Variants in CNOT4 observed in about 807,000 individuals in gnomAD.
The protein encoded by CNOT4 is CCR4-associated factor 4.
CNOT4 carries 8 observed loss-of-function variants against 73.8 expected under a neutral mutation model. The observed-to-expected ratio is 0.11, with a 90% confidence interval of 0.06 to 0.20. The LOEUF (loss-of-function observed/expected upper bound fraction) is 0.20, where lower values mean the gene tolerates loss of function less well. CNOT4 is among the 10% of genes least tolerant of loss of function. CNOT4 has a pLI of 1.00. For synonymous variants in CNOT4, 293 were observed against 321.1 expected (o/e 0.91, Z 0.94); for missense variants, 564 against 883.4 (o/e 0.64, Z 4.58).
intron 1 of CNOT4, among the ~76,000 whole-genome samples, chr7:135,501,076 C>T (rs528816100): frequency 1.3e-5 from 2 of 151,804 alleles, no homozygotes; most frequent in African/African-American, 2.4e-5. Flanking sequence ...CTCCGCCTCC[C>T]GGGTTCAAGC....
rs572363196 is a variant in CNOT4, at chr7:135,379,828, C to T, written c.1627+14090G>A. Among the ~76,000 whole-genome samples the T allele has an allele frequency of 2.0e-5, 3 of 152,292 alleles. No homozygotes were observed. In the South Asian group the frequency reaches 6.2e-4, roughly 32 times the overall value. ...AAATATACAGTTGTCAGACTTCTTG[C>T]AAATGCCAACATATAACACGACAAT... On this transcript the variant is annotated intron_variant, in intron 10 of 11. Transcript: ENST00000541284.
intron 1 of CNOT4, among the ~76,000 whole-genome samples, chr7:135,463,487 G>A (rs532621100): frequency 0.024 from 21 of 870 alleles, no homozygotes; most frequent in Non-Finnish European, 9.3e-3. Flanking sequence ...GCAGTGAGCC[G>A]AGATCGCGCC....
chr7:135,484,886 T>C (rs1802617365), intron 1 of CNOT4, among the ~76,000 whole-genome samples: 1 of 152,160 alleles, frequency 6.6e-6, no homozygotes, highest in South Asian at 2.1e-4. Context: ...GGTATAAATC[T>C]AACAAAATAC....
chr7:135,476,735 G>A (rs1488309026), intron 1 of CNOT4, among the ~76,000 whole-genome samples: 1 of 152,178 alleles, frequency 6.6e-6, no homozygotes, highest in African/African-American at 2.4e-5. Flanking sequence ...ACTTTGGGAG[G>A]CCAAGGCGGG....
chr7:135,366,449 T>C (rs1046059304), intron 10 of CNOT4, among the ~76,000 whole-genome samples: 1 of 152,208 alleles, frequency 6.6e-6, no homozygotes, highest in Admixed American at 6.5e-5. Context: ...CCTGTAATTG[T>C]AGACTAATCA....
chr7:135,369,071 G>A (rs957527161), intron 10 of CNOT4, among the ~76,000 whole-genome samples: 5 of 152,282 alleles, frequency 3.3e-5, no homozygotes, highest in South Asian at 2.1e-4. Context: ...AGTTGAGGGC[G>A]CAGGGTACCA....
At chr7:135,491,574 T>G (rs1454123925) in intron 1 of CNOT4, among the ~76,000 whole-genome samples, 2 of 152,094 alleles carry the variant, frequency 1.3e-5, no homozygotes, top group Non-Finnish European at 2.9e-5. Flanking sequence ...ACAAAAGCAA[T>G]CTTAGCACAG....
intron 1 of CNOT4, among the ~76,000 whole-genome samples, chr7:135,467,528 T>C (rs1030085243): frequency 6.6e-6 from 1 of 151,972 alleles, no homozygotes; most frequent in African/African-American, 2.4e-5. Context: ...CTGGACAATA[T>C]AGCAAGACCC....
chr7:135,414,878 T>C (rs1797771633), intron 4 of CNOT4, among the ~76,000 whole-genome samples: 1 of 152,078 alleles, frequency 6.6e-6, no homozygotes, highest in African/African-American at 2.4e-5. Flanking sequence ...ATATTACAGA[T>C]TAGAAATCAC....
intron 1 of CNOT4, among the ~76,000 whole-genome samples, chr7:135,456,778 A>G (rs979783746): frequency 1.3e-5 from 2 of 151,930 alleles, no homozygotes; most frequent in African/African-American, 2.4e-5. Flanking sequence ...TTTTCCATCC[A>G]TGGGTAGTTG....
chr7:135,509,124 C>A (rs1191166445), intron 1 of CNOT4: 3 of 152,150 alleles, frequency 2.0e-5, no homozygotes, highest in Non-Finnish European at 4.4e-5. Context: ...CACCACGGGG[C>A]TTCCCTTTTT....
Position 135,363,068 on chromosome 7 carries a change from C to G in CNOT4, c.1959G>C (p.Gln653His), listed in dbSNP as rs771076050. The change falls in exon 12 of 12, where the codon CAG (glutamine) becomes CAC (histidine). Residue 653 changes from glutamine to histidine, a missense_variant. Coordinates refer to ENST00000541284, the MANE Select transcript of CNOT4 (RefSeq NM_001190850.2). This position sits in a 1 kb window ranked among gnomAD's most constrained non-coding sequence, Gnocchi z 4.3. ...TGCTGAAGGGGGCGCTGTGGTGGGT[C>G]TGTGATGGAGCAGCGCTGGGGCCGT... Reference protein sequence around the residue: ...EMDGPSAAPSQTHHSAPFSTQ... With the variant: ...EMDGPSAAPSHTHHSAPFSTQ... The G allele has an allele frequency of 1.9e-6, 3 of 1,613,826 alleles. No homozygotes were observed. The highest frequency in any genetic ancestry group is 2.7e-5 in the African/African-American group (2 of 74,836).
chr7:135,503,856 A>G (rs1804166087), intron 1 of CNOT4, among the ~76,000 whole-genome samples: 1 of 152,228 alleles, frequency 6.6e-6, no homozygotes, highest in African/African-American at 2.4e-5. Context: ...TACAACTTCA[A>G]TTAGAGCATT....
At chr7:135,376,106 C>A (rs774718308) in intron 10 of CNOT4, among the ~76,000 whole-genome samples, 2 of 151,112 alleles carry the variant, frequency 1.3e-5, no homozygotes, top group African/African-American at 2.4e-5. Context: ...ACAATGAACA[C>A]CACAATGCCA....
chr7:135,439,739 C>T (rs1799362358), intron 1 of CNOT4, among the ~76,000 whole-genome samples: 1 of 152,176 alleles, frequency 6.6e-6, no homozygotes, highest in Non-Finnish European at 1.5e-5. Flanking sequence ...ATAACTGTGC[C>T]ACCACACTCC....
At chr7:135,467,493 T>C (rs889896819) in intron 1 of CNOT4, among the ~76,000 whole-genome samples, 1 of 151,758 alleles carries the variant, frequency 6.6e-6, no homozygotes, top group Non-Finnish European at 1.5e-5. Context: ...AAAAAATAGC[T>C]TGAGGTCAGG....
At chr7:135,497,967 G>T (rs746612592) in intron 1 of CNOT4, among the ~76,000 whole-genome samples, 10 of 152,168 alleles carry the variant, frequency 6.6e-5, no homozygotes, top group Admixed American at 1.3e-4. Context: ...CAAACACTTA[G>T]ACAAAGCGAC....
At chr7:135,424,062 C>G (rs952857136) in intron 2 of CNOT4, among the ~76,000 whole-genome samples, 62 of 150,684 alleles carry the variant, frequency 4.1e-4, no homozygotes, top group African/African-American at 1.4e-3. Flanking sequence ...CACACACACA[C>G]ACACACACAC....
intron 1 of CNOT4, among the ~76,000 whole-genome samples, chr7:135,495,603 G>GA (rs1209344745): frequency 6.8e-6 from 1 of 148,118 alleles, no homozygotes; most frequent in East Asian, 2.0e-4. Flanking sequence ...CTGAGGCTGG[G>GA]AGGCTATAAG....
Sources: gnomAD v4.1 joint callset for allele counts (sites outside exome capture counted in the v4.1 genomes callset) on GRCh38, gnomAD v4.1.1 for gene constraint, Gnocchi (gnomAD v3.1) non-coding constraint, MANE v1.5 for transcripts, NCBI Gene and HGNC (gene_info 2026-07-23, HGNC 2026-07-21) for gene names.